Variants in AGAP1 observed in about 807,000 individuals in gnomAD.
The protein encoded by AGAP1 is ArfGAP with GTPase domain, ankyrin repeat and PH domain 1.
A neutral mutation model predicts 105.3 loss-of-function variants in AGAP1; 29 were observed. The ratio of observed to expected loss-of-function variants is 0.28; its 90% CI spans 0.21 to 0.38. The LOEUF is 0.38. Among genes scored for constraint, AGAP1 ranks in the 10% least tolerant of loss-of-function variants. The probability of loss-of-function intolerance (pLI) is 1.00; values close to 1 mark genes in which losing one functional copy is unlikely to be tolerated. For synonymous variants in AGAP1, 509 were observed against 485.9 expected (o/e 1.05, Z -0.63); for missense variants, 998 against 1,165.1 (o/e 0.86, Z 2.09).
At chr2:235,708,558 C>T (rs1575187629) in intron 1 of AGAP1, among the ~76,000 whole-genome samples, 1 of 152,148 alleles carries the variant, frequency 6.6e-6, no homozygotes, top group Non-Finnish European at 1.5e-5. Flanking sequence ...TAGTCTAAAC[C>T]ATCCTGGCTG....
Position 235,747,825 on chromosome 2 carries a change from T to C in AGAP1, c.539-2529T>C, listed in dbSNP as rs563958738. Among the ~76,000 whole-genome samples, 4 of 152,356 alleles carry C rather than the reference T, an allele frequency of 2.6e-5. No homozygotes were observed. The South Asian group carries it at 8.3e-4, about 32-fold the overall frequency. On this transcript the variant is annotated intron_variant, in intron 5 of 17. Transcript: ENST00000304032. The surrounding 1 kb of genome is among the most constrained non-coding windows in gnomAD (Gnocchi z 5.0). ...GGAAGGCACCTGGCATTTCTCTTCC[T>C]GCTGCTTTGGGGTAGGCAGCGTTAG...
intron 1 of AGAP1, among the ~76,000 whole-genome samples, chr2:235,674,934 C>G (rs13012659): frequency 0.25 from 37,325 of 151,586 alleles, 5,015 homozygotes; most frequent in African/African-American, 0.32. Flanking sequence ...TGATCCACCC[C>G]CCTCGGTCTG....
intron 13 of AGAP1, among the ~76,000 whole-genome samples, chr2:236,033,525 G>A (rs186406583): frequency 1.3e-5 from 2 of 152,324 alleles, no homozygotes; most frequent in South Asian, 2.1e-4. Context: ...GCGTTGGGAT[G>A]AGGCAAAAAA....
rs1301855465 is a variant in AGAP1, at chr2:235,855,071, C to G, written c.1051-28274C>G. On this transcript the variant is annotated intron_variant, in intron 9 of 17. Coordinates refer to ENST00000304032, the MANE Select transcript of AGAP1 (RefSeq NM_001037131.3). The surrounding 1 kb of genome is among the most constrained non-coding windows in gnomAD (Gnocchi z 5.0). Reference sequence around the variant, plus strand: ...ATTTTAAACTAGGGTGACTAATGGACCCTTATTTCGTGAAGGAACAGAAAA... The same window carrying G: ...ATTTTAAACTAGGGTGACTAATGGAGCCTTATTTCGTGAAGGAACAGAAAA... Among the ~76,000 whole-genome samples the G allele has an allele frequency of 6.6e-6, 1 of 152,140 alleles. No homozygotes were observed. The highest frequency in any genetic ancestry group is 1.5e-5 in the Non-Finnish European group (1 of 68,028).
chr2:235,852,753 G>A (rs1294210146), intron 9 of AGAP1: 14 of 1,537,686 alleles, frequency 9.1e-6, no homozygotes, highest in Non-Finnish European at 1.2e-5. Context: ...GCCCGTGCCC[G>A]TCAGTCCTCC....
intron 1 of AGAP1, among the ~76,000 whole-genome samples, chr2:235,653,164 G>A (rs569409468): frequency 2.6e-4 from 39 of 152,016 alleles, no homozygotes; most frequent in Non-Finnish European, 4.6e-4. Flanking sequence ...CTCTTACCTT[G>A]CTACTTAAGG....
At chr2:235,527,329 G>A (rs1438109111) in intron 1 of AGAP1, among the ~76,000 whole-genome samples, 1 of 152,148 alleles carries the variant, frequency 6.6e-6, no homozygotes, top group Non-Finnish European at 1.5e-5. Flanking sequence ...CTCCATTCCT[G>A]TGCCTGTCAG....
chr2:235,525,485 T>TG (rs1441046894), intron 1 of AGAP1, among the ~76,000 whole-genome samples: 2 of 150,756 alleles, frequency 1.3e-5, no homozygotes, highest in African/African-American at 5.0e-5. Context: ...ATACATAACG[T>TG]GGAGGACTGA....
At position 235,845,730 on chromosome 2, in the gene AGAP1, A is replaced by G. The variant is rs141133255; in HGVS notation, c.1051-37615A>G. Among the ~76,000 whole-genome samples, 18 of 152,024 alleles carry G rather than the reference A, an allele frequency of 1.2e-4. No individual in the cohort carries two copies. The East Asian group carries it at 1.7e-3, about 15-fold the overall frequency. On this transcript the variant is annotated intron_variant, in intron 9 of 17. Transcript: ENST00000304032. The surrounding 1 kb of genome is among the most constrained non-coding windows in gnomAD (Gnocchi z 4.8). Reference sequence around the variant, plus strand: ...GCCGGGACTATTCCTGATGTCATCTATTAACCTTCTCCAGCTGCTCCGAGA... The same window carrying G: ...GCCGGGACTATTCCTGATGTCATCTGTTAACCTTCTCCAGCTGCTCCGAGA...
chr2:235,954,699 T>C (rs1050096075), intron 12 of AGAP1, among the ~76,000 whole-genome samples: 2 of 151,670 alleles, frequency 1.3e-5, no homozygotes, highest in Non-Finnish European at 2.9e-5. Flanking sequence ...TGCCAACCCC[T>C]TGTGAGTCCT....
intron 14 of AGAP1, among the ~76,000 whole-genome samples, chr2:236,039,072 T>C (rs1193705331): frequency 1.3e-5 from 2 of 152,192 alleles, no homozygotes; most frequent in African/African-American, 4.8e-5. Flanking sequence ...ATCAAGCTTA[T>C]TGTAACTGTC....
At chr2:235,790,622 C>T (rs1956918973) in intron 6 of AGAP1, among the ~76,000 whole-genome samples, 1 of 152,214 alleles carries the variant, frequency 6.6e-6, no homozygotes, top group Non-Finnish European at 1.5e-5. Flanking sequence ...ACTTGCCACT[C>T]TTCTCTGCAT....
At chr2:235,523,490 T>C (rs1304058469) in intron 1 of AGAP1, among the ~76,000 whole-genome samples, 2 of 152,164 alleles carry the variant, frequency 1.3e-5, no homozygotes, top group Non-Finnish European at 2.9e-5. Context: ...ACTTGATGGA[T>C]GGTGCCTGGC....
In AGAP1 at chr2:236,038,427, C is replaced by T. The variant is rs1190833313; in HGVS notation, c.1800+1712C>T. ...GGGATGGTGGCAGCCTTTCCCATTC[C>T]ACACCTTGCCAGGCTCCTCCTGACT... On this transcript the variant is annotated intron_variant, in intron 14 of 17. Coordinates refer to ENST00000304032, the MANE Select transcript of AGAP1 (RefSeq NM_001037131.3). This position sits in a 1 kb window ranked among gnomAD's most constrained non-coding sequence, Gnocchi z 4.5. Among the ~76,000 whole-genome samples, 1 of 152,184 alleles carries T rather than the reference C, an allele frequency of 6.6e-6. No homozygotes were observed. The highest frequency in any genetic ancestry group is 1.5e-5 in the Non-Finnish European group (1 of 68,026).
In AGAP1 at chr2:235,878,450, C is replaced by T. The variant is rs536699437; in HGVS notation, c.1051-4895C>T. 6.6e-5 allele frequency among the ~76,000 whole-genome samples: 10 copies of T among 152,264 alleles called. No individual in the cohort carries two copies. In the South Asian group the frequency reaches 1.0e-3, roughly 16 times the overall value. ...TGGTGGCAGCATGTTGGCCCAGTCA[C>T]GTTCTGGGCTAAAGTACTCCTCCCT... On this transcript the variant is annotated intron_variant, in intron 9 of 17. Transcript: ENST00000304032.
intron 1 of AGAP1, among the ~76,000 whole-genome samples, chr2:235,646,210 G>A (rs892950291): frequency 6.1e-5 from 9 of 146,390 alleles, no homozygotes; most frequent in Non-Finnish European, 1.0e-4. Context: ...GGGAGGCGGA[G>A]GTTGCAGTGA....
At chr2:235,515,238 C>A (rs1942330912) in intron 1 of AGAP1, among the ~76,000 whole-genome samples, 1 of 152,160 alleles carries the variant, frequency 6.6e-6, no homozygotes, top group South Asian at 2.1e-4. Flanking sequence ...GTGGGGGTGG[C>A]TTTGAGCATA....
Position 235,710,456 on chromosome 2 carries a change from C to T in AGAP1, c.222+1219C>T, listed in dbSNP as rs553850752. Among the ~76,000 whole-genome samples, 303 of 152,308 alleles carry T rather than the reference C, an allele frequency of 2.0e-3. 1 individual carries two copies. Among genetic ancestry groups the T allele is most frequent in the African/African-American group, 5.7e-3 (238 of 41,564 alleles). Reference sequence around the variant, plus strand: ...GACACACCCATCCCCACCGCAACCGCGGGGTGTCATCAGCTGGGCCCATCT... The same window carrying T: ...GACACACCCATCCCCACCGCAACCGTGGGGTGTCATCAGCTGGGCCCATCT... On this transcript the variant is annotated intron_variant, in intron 2 of 17. Transcript: ENST00000304032.
chr2:235,506,555 T>A (rs1254576407), intron 1 of AGAP1, among the ~76,000 whole-genome samples: 1 of 151,986 alleles, frequency 6.6e-6, no homozygotes, highest in Non-Finnish European at 1.5e-5. Flanking sequence ...GACTATGATA[T>A]TGTCTTTTGG....
Sources: gnomAD v4.1 joint callset for allele counts (sites outside exome capture counted in the v4.1 genomes callset) on GRCh38, gnomAD v4.1.1 for gene constraint, Gnocchi (gnomAD v3.1) non-coding constraint, MANE v1.5 for transcripts, NCBI Gene and HGNC (gene_info 2026-07-23, HGNC 2026-07-21) for gene names.